Variants in PCDHA10 observed in about 807,000 individuals in gnomAD.
PCDHA10 encodes protocadherin alpha 10.
In PCDHA10, 45 loss-of-function variants were observed where a neutral mutation model predicts 61.2. The ratio of observed to expected loss-of-function variants is 0.74; its 90% CI spans 0.58 to 0.94. The LOEUF (loss-of-function observed/expected upper bound fraction) is 0.94, where lower values mean the gene tolerates loss of function less well. PCDHA10 is among the 40% of genes least tolerant of loss of function. The pLI is 0.00. For missense variants in PCDHA10, 1,278 were observed against 1,236.2 expected (o/e 1.03, Z -0.51); for synonymous variants, 602 against 548.8 (o/e 1.10, Z -1.35).
At chr5:140,911,437 G>A (rs530362672) in intron 1 of PCDHA10, among the ~76,000 whole-genome samples, 3 of 152,166 alleles carry the variant, frequency 2.0e-5, no homozygotes, top group East Asian at 3.9e-4. Context: ...CCAATTTCCC[G>A]CAATTTCAGC....
chr5:140,989,004 CTTA>C (rs1445940440), intron 3 of PCDHA10: 15 of 152,184 alleles, frequency 9.9e-5, no homozygotes, highest in African/African-American at 3.4e-4. Context: ...GAAATAGAGA[CTTA>C]TTATAGTTTC....
intron 1 of PCDHA10, chr5:140,967,164 C>G (rs762120187): frequency 8.7e-6 from 14 of 1,611,226 alleles, no homozygotes; most frequent in Non-Finnish European, 1.2e-5. Flanking sequence ...GCGGTGAGCG[C>G]CGTTGAGGTG....
chr5:140,892,246 G>T lies in PCDHA10; in HGVS notation c.2388+33810G>T, dbSNP rs895446433. Among the ~76,000 whole-genome samples the T allele has an allele frequency of 5.9e-5, 9 of 152,166 alleles. No individual in the cohort carries two copies. In the East Asian group the frequency reaches 1.7e-3, roughly 29 times the overall value. Reference sequence around the variant, plus strand: ...GGTGTTTTGTCTCCACATAAACCTGGTTATCTTTGATTTTGTGCTGAAAGT... The same window carrying T: ...GGTGTTTTGTCTCCACATAAACCTGTTTATCTTTGATTTTGTGCTGAAAGT... On this transcript the variant is annotated intron_variant, in intron 1 of 3. Coordinates refer to ENST00000307360, the MANE Select transcript of PCDHA10 (RefSeq NM_018901.4).
Position 140,857,752 on chromosome 5 carries a change from C to A in PCDHA10, c.1704C>A (p.Pro568=). The A allele has an allele frequency of 6.3e-7, 1 of 1,597,166 alleles. No individual in the cohort carries two copies. Among genetic ancestry groups the A allele is most frequent in the Non-Finnish European group, 8.6e-7 (1 of 1,167,506 alleles). ...ACGCTCCCGCGCTGCTGGCGTCTCC[C>A]GCTGGCAGCGCGGGCGGTGCAGTCA... The part of the protein sequence containing the change: ...NDNAPALLAS[P]AGSAGGAVSE... Residue 568 remains proline, a synonymous_variant, in exon 1 of 4, where the codon CCC becomes CCA. Coordinates refer to ENST00000307360, the MANE Select transcript of PCDHA10 (RefSeq NM_018901.4).
At chr5:140,944,060 T>G in intron 1 of PCDHA10, among the ~76,000 whole-genome samples, 1 of 152,204 alleles carries the variant, frequency 6.6e-6, no homozygotes, top group Non-Finnish European at 1.5e-5. Flanking sequence ...ACAAAAAGGT[T>G]TCTTGTTAAA....
At position 141,011,003 on chromosome 5, in the gene PCDHA10, C is replaced by G. The variant is rs748731648; in HGVS notation, c.*1066C>G. 2.0e-5 allele frequency: 3 copies of G among 153,824 alleles called. No homozygotes were observed. In the South Asian group the frequency reaches 6.2e-4, roughly 32 times the overall value. 9.5% of individuals were successfully genotyped at this position (153,824 alleles called of 1,614,324 possible). On this transcript the variant is annotated 3_prime_UTR_variant, in exon 4 of 4. Coordinates refer to ENST00000307360, the MANE Select transcript of PCDHA10 (RefSeq NM_018901.4). ...ATTGCCTGAAACATCTGTATTATAT[C>G]GGCCACCTGCCAATCACAGCTTTAC...
intron 1 of PCDHA10, among the ~76,000 whole-genome samples, chr5:140,970,048 G>T (rs561588022): frequency 6.6e-6 from 1 of 152,296 alleles, no homozygotes; most frequent in African/African-American, 2.4e-5. Flanking sequence ...TTGTCTGGTT[G>T]GTCCAGGGAG....
chr5:140,907,360 T>C (rs1241355980), intron 1 of PCDHA10, among the ~76,000 whole-genome samples: 1 of 152,186 alleles, frequency 6.6e-6, no homozygotes, highest in Admixed American at 6.5e-5. Flanking sequence ...TGCACTTCTT[T>C]AGTCGTAAAG....
rs1231451796 is a variant in PCDHA10, at chr5:140,869,049, G to T, written c.2388+10613G>T. On this transcript the variant is annotated intron_variant, in intron 1 of 3. Coordinates refer to ENST00000307360, the MANE Select transcript of PCDHA10 (RefSeq NM_018901.4). ...ACGAGATTTTTAACCTGAAACTGAA[G>T]AATCTGGTACTGTAAGTGTAAAGAA... 1.1e-5 allele frequency: 17 copies of T among 1,532,472 alleles called. No homozygotes were observed. The South Asian group carries it at 2.1e-4, about 19-fold the overall frequency. 94.9% of individuals were successfully genotyped at this position (1,532,472 alleles called of 1,614,324 possible).
At chr5:140,865,342 T>G (rs1437907469) in intron 1 of PCDHA10, 1 of 152,202 alleles carries the variant, frequency 6.6e-6, no homozygotes, top group Non-Finnish European at 1.5e-5. Flanking sequence ...AAAGAAATAG[T>G]ATATTTACAT....
chr5:140,943,005 C>T (rs1383622610), intron 1 of PCDHA10, among the ~76,000 whole-genome samples: 2 of 151,608 alleles, frequency 1.3e-5, no homozygotes, highest in African/African-American at 4.8e-5. Context: ...GCCTGTAATC[C>T]CAGCACTTTG....
chr5:140,997,610 C>A (rs1223241020), intron 3 of PCDHA10, among the ~76,000 whole-genome samples: 1 of 151,776 alleles, frequency 6.6e-6, no homozygotes, highest in Non-Finnish European at 1.5e-5. Flanking sequence ...GGGCGCATGA[C>A]TATATAGAGA....
chr5:140,877,156 G>A (rs1471783281), intron 1 of PCDHA10: 1 of 1,613,692 alleles, frequency 6.2e-7, no homozygotes, highest in Admixed American at 1.7e-5. Context: ...GAACGACAAC[G>A]CGCCGGCACT....
At chr5:140,863,105 A>C (rs1554157760) in intron 1 of PCDHA10, 1 of 581,650 alleles carries the variant, frequency 1.7e-6, no homozygotes, top group Non-Finnish European at 3.4e-6. Flanking sequence ...AGTACCCTGG[A>C]CGAGGCGAAA....
At chr5:140,875,868 G>A (rs781927681) in intron 1 of PCDHA10, 3 of 1,614,210 alleles carry the variant, frequency 1.9e-6, no homozygotes, top group Non-Finnish European at 8.5e-7. Context: ...ACCCGCCGGT[G>A]TTCAGAGAAA....
chr5:140,966,279 G>A, intron 1 of PCDHA10: 1 of 364,628 alleles, frequency 2.7e-6, no homozygotes, highest in Non-Finnish European at 4.9e-6. Flanking sequence ...ACTGGACAGT[G>A]GGGGTAGGGA....
intron 1 of PCDHA10, among the ~76,000 whole-genome samples, chr5:140,951,775 A>G (rs1554220072): frequency 1.3e-5 from 2 of 152,164 alleles, no homozygotes; most frequent in African/African-American, 4.8e-5. Context: ...ACGTTCTTAC[A>G]TTGCAAAATA....
At chr5:140,893,391 G>T (rs1481818388) in intron 1 of PCDHA10, among the ~76,000 whole-genome samples, 1 of 152,158 alleles carries the variant, frequency 6.6e-6, no homozygotes, top group Non-Finnish European at 1.5e-5. Context: ...AGTGGCTCAT[G>T]CCTGTAATCC....
intron 1 of PCDHA10, chr5:140,871,181 T>C (rs782405877): frequency 6.2e-7 from 1 of 1,613,552 alleles, no homozygotes; most frequent in Admixed American, 1.7e-5. Flanking sequence ...GCTGCGCTGG[T>C]GGATGTCAAC....
Sources: gnomAD v4.1 joint callset for allele counts (sites outside exome capture counted in the v4.1 genomes callset) on GRCh38, gnomAD v4.1.1 for gene constraint, MANE v1.5 for transcripts, NCBI Gene and HGNC (gene_info 2026-07-23, HGNC 2026-07-21) for gene names.